The following HIRA variants were observed in gnomAD, a reference collection of about 807,000 sequenced individuals.
The protein encoded by HIRA is histone cell cycle regulator.
A neutral mutation model predicts 126.6 loss-of-function variants in HIRA; 13 were observed. The observed-to-expected ratio is 0.10, with a 90% CI of 0.07 to 0.16. The LOEUF is 0.16. HIRA is among the 10% of genes least tolerant of loss of function. The pLI is 1.00. For missense variants in HIRA, 834 were observed against 1,314.4 expected, an observed-to-expected ratio of 0.63 and a Z score of 5.65; for synonymous variants, 511 against 520.0, an observed-to-expected ratio of 0.98 and a Z score of 0.24.
chr22:19,387,889 G>T, intron 10 of HIRA, 73 bp from the exon 11 acceptor site: 1 of 1,034,654 alleles, frequency 9.7e-7, no homozygotes, highest in Non-Finnish European at 1.4e-6. Flanking sequence ...TAGCTGGCCT[G>T]TGAGGATGGT....
chr22:19,387,900 G>T, intron 10 of HIRA, 84 bp from the exon 11 acceptor site: 3 of 971,436 alleles, frequency 3.1e-6, no homozygotes, highest in Non-Finnish European at 3.2e-6. Flanking sequence ...TGAGGATGGT[G>T]GGCAGTGTTC....
chr22:19,367,607 T>TC, intron 15 of HIRA, among the ~76,000 whole-genome samples: 1 of 152,158 alleles, frequency 6.6e-6, no homozygotes, highest in Non-Finnish European at 1.5e-5. Flanking sequence ...CCTCAGGTGA[T>TC]CTGCCTGCCT....
At chr22:19,384,897 G>A (rs1018911945) in intron 12 of HIRA, among the ~76,000 whole-genome samples, 11 of 151,462 alleles carry the variant, frequency 7.3e-5, no homozygotes, top group Admixed American at 2.0e-4. Context: ...CAAGTGATCC[G>A]CCTGCCTCAG....
intron 24 of HIRA, among the ~76,000 whole-genome samples, chr22:19,331,837 A>C (rs955038229): frequency 1.6e-4 from 25 of 152,300 alleles, no homozygotes; most frequent in African/African-American, 6.0e-4. Context: ...ATAGTGACTG[A>C]GCAGTTCCCT....
chr22:19,382,220 A>G (rs1005603230), intron 13 of HIRA, among the ~76,000 whole-genome samples: 1 of 152,170 alleles, frequency 6.6e-6, no homozygotes, highest in African/African-American at 2.4e-5. Context: ...AGAAATATGC[A>G]TCCTATGTCA....
chr22:19,368,756 A>G (rs2146203993), intron 15 of HIRA, among the ~76,000 whole-genome samples: 1 of 152,332 alleles, frequency 6.6e-6, no homozygotes, highest in South Asian at 2.1e-4. Flanking sequence ...TGTCACAGCA[A>G]CGTCCAACTA....
At chr22:19,347,213 C>T (rs2088697045) in intron 24 of HIRA, among the ~76,000 whole-genome samples, 1 of 152,172 alleles carries the variant, frequency 6.6e-6, no homozygotes, top group East Asian at 1.9e-4. Flanking sequence ...CAGCTGTACT[C>T]TTGAAAAGGA....
At chr22:19,367,766 G>A (rs569064002) in intron 15 of HIRA, among the ~76,000 whole-genome samples, 1 of 152,228 alleles carries the variant, frequency 6.6e-6, no homozygotes, top group Non-Finnish European at 1.5e-5. Flanking sequence ...GTAGTACTTG[G>A]CATGTAGCAA....
At chr22:19,424,925 C>T (rs759201518) in intron 1 of HIRA, among the ~76,000 whole-genome samples, 3 of 152,198 alleles carry the variant, frequency 2.0e-5, no homozygotes, top group African/African-American at 4.8e-5. Flanking sequence ...TCATCAGTGT[C>T]GGCCCTGTTC....
intron 17 of HIRA, among the ~76,000 whole-genome samples, chr22:19,360,634 A>C (rs561370898): frequency 6.6e-6 from 1 of 152,202 alleles, no homozygotes; most frequent in Non-Finnish European, 1.5e-5. Context: ...GTACAAGGGT[A>C]TGCAGAGAGG....
intron 21 of HIRA, 26 bp from the exon 22 acceptor site, chr22:19,354,144 G>T (rs782038812): frequency 6.2e-7 from 1 of 1,606,288 alleles, no homozygotes; most frequent in Non-Finnish European, 8.5e-7. Context: ...CAGGAGCAGA[G>T]CTCAGGAAAA....
In HIRA at chr22:19,382,771, CTTTTTTTTTTT is replaced by C. The variant is rs796469831; in HGVS notation, c.1415+838_1415+848del. 9.9e-3 allele frequency among the ~76,000 whole-genome samples: 1,012 copies of C among 102,134 alleles called. 21 individuals carry two copies. Among genetic ancestry groups the C allele is most frequent in the African/African-American group, 0.063 (989 of 15,696 alleles). The allele number at this position is 102,134 out of a possible 152,430, so 67.0% of individuals were successfully genotyped here. A position where few individuals can be genotyped will look rare whatever the true frequency, so the allele number is the denominator to read the frequency against. ...ACACAGTGCTTTATCATTTTTCTTT[CTTTTTTTTTTT>C]TTTTTTGAATCAACACACATCATTT... On this transcript the variant is annotated intron_variant, in intron 13 of 24. Coordinates refer to ENST00000263208, the MANE Select transcript of HIRA (RefSeq NM_003325.4).
chr22:19,398,184 C>T (rs2089238626), intron 5 of HIRA, 97 bp from the exon 6 acceptor site: 1 of 796,718 alleles, frequency 1.3e-6, no homozygotes, highest in Admixed American at 2.5e-5. Context: ...ACCATCATAA[C>T]CACTCTGGTA....
rs1556010851 is a variant in HIRA, at chr22:19,351,428, C to T, written c.2867G>A (p.Arg956Gln). 3.1e-6 allele frequency: 5 copies of T among 1,613,214 alleles called. No homozygotes were observed. Among genetic ancestry groups the T allele is most frequent in the African/African-American group, 1.3e-5 (1 of 74,898 alleles). Residue 956 changes from arginine (R) to glutamine (Q), a missense_variant, in exon 24 of 25, where the codon CGA becomes CAA. Physicochemically the swap from Arg to Gln is conservative, Grantham distance 43 (BLOSUM62 1). Coordinates refer to ENST00000263208, the MANE Select transcript of HIRA (RefSeq NM_003325.4). The surrounding 1 kb of genome is among the most constrained non-coding windows in gnomAD (Gnocchi z 4.8). ...LVNEGFEYRL[R>Q]EICKDLLGPV... is the part of the protein sequence containing the mutation. ...ACCCAGTAAGTCCTTGCATATTTCT[C>T]GAAGTCGGTATTCAAACCCTAATTA...
Position 19,431,491 on chromosome 22 carries a change from C to T in HIRA, c.-15G>A. On this transcript the variant is annotated 5_prime_UTR_variant, in exon 1 of 25. Coordinates refer to ENST00000263208, the MANE Select transcript of HIRA (RefSeq NM_003325.4). The stretch of plus-strand genomic sequence containing the variant: ...AGGAGCTTCATTGTTCGGCCGCCGC[C>T]GCCGCCGGGCTGAGGCGAGCGCCGG... 1 of 1,595,234 alleles carries T rather than the reference C, an allele frequency of 6.3e-7. No homozygotes were observed. The highest frequency in any genetic ancestry group is 8.5e-7 in the Non-Finnish European group (1 of 1,171,876).
intron 5 of HIRA, among the ~76,000 whole-genome samples, chr22:19,400,064 G>T (rs2089255125): frequency 6.6e-6 from 1 of 152,142 alleles, no homozygotes; most frequent in Non-Finnish European, 1.5e-5. Flanking sequence ...AAGGAGAAGG[G>T]ATTTTCTTAG....
At chr22:19,417,414 GAGATCA>G (rs1569313029) in intron 1 of HIRA, among the ~76,000 whole-genome samples, 1 of 151,916 alleles carries the variant, frequency 6.6e-6, no homozygotes, top group East Asian at 1.9e-4. Flanking sequence ...AAGAGGTCAA[GAGATCA>G]AGACCATCCT....
At chr22:19,392,249 T>C in intron 8 of HIRA, 35 bp from the exon 9 acceptor site, 1 of 1,379,576 alleles carries the variant, frequency 7.2e-7, no homozygotes, top group Non-Finnish European at 1.0e-6. Context: ...AAATAATTAA[T>C]CAAGCATCAG....
intron 13 of HIRA, among the ~76,000 whole-genome samples, chr22:19,382,029 G>A (rs915416383): frequency 9.2e-5 from 14 of 152,142 alleles, no homozygotes; most frequent in African/African-American, 2.7e-4. Context: ...CAGCAAAGAA[G>A]TCTCTCATCT....
Sources: gnomAD v4.1 joint callset for allele counts (sites outside exome capture counted in the v4.1 genomes callset) on GRCh38, gnomAD v4.1.1 for gene constraint, Gnocchi (gnomAD v3.1) non-coding constraint, MANE v1.5 for transcripts, NCBI Gene and HGNC (gene_info 2026-07-23, HGNC 2026-07-21) for gene names.